Variants in STXBP3 observed in about 807,000 individuals in gnomAD.
The protein encoded by STXBP3 is syntaxin-binding protein 3.
In STXBP3, 41 loss-of-function variants were observed where a neutral mutation model predicts 85.7. That is an observed-to-expected ratio of 0.48 (90% CI 0.37 to 0.62). The LOEUF (loss-of-function observed/expected upper bound fraction) is 0.62. Ranked by LOEUF, STXBP3 falls within the 20% of genes least tolerant of loss-of-function variation. The pLI is 0.00. For synonymous variants in STXBP3, 229 were observed against 231.7 expected, an observed-to-expected ratio of 0.99 and a Z score of 0.10; for missense variants, 563 against 703.1, an observed-to-expected ratio of 0.80 and a Z score of 2.25.
chr1:108,796,229 T>C lies in STXBP3; in HGVS notation c.1111-5T>C, dbSNP rs1441854281. ...GATCACTGACAATATTTTATTTTCA[T>C]TAAGGACCTGGCACTTGGAACTGAT... On this transcript the variant is annotated splice_region_variant and splice_polypyrimidine_tract_variant and intron_variant, in intron 13 of 18. Transcript: ENST00000370008. The C allele has an allele frequency of 3.1e-6, 5 of 1,599,478 alleles. No homozygotes were observed. Among genetic ancestry groups the C allele is most frequent in the Non-Finnish European group, 4.3e-6 (5 of 1,176,254 alleles).
chr1:108,807,501 T>C lies in STXBP3; in HGVS notation c.1636T>C (p.Cys546Arg). ...IGGITYSEVR[C>R]AYEVSQAHKS... ...AGGGATCACATACTCTGAAGTGCGTTGTGCTTATGAAGTTTCTCAGGCACA... is the reference window on the plus strand; with the variant it reads ...AGGGATCACATACTCTGAAGTGCGTCGTGCTTATGAAGTTTCTCAGGCACA... The change falls in exon 18 of 19, where the codon TGT becomes CGT. Residue 546 changes from cysteine to arginine, a missense_variant. By Grantham distance (180) the Cys-to-Arg change is radical (BLOSUM62 -3). Transcript: ENST00000370008. The C allele has an allele frequency of 6.2e-7, 1 of 1,613,576 alleles. No individual in the cohort carries two copies. Among genetic ancestry groups the C allele is most frequent in the Non-Finnish European group, 8.5e-7 (1 of 1,179,834 alleles).
chr1:108,807,492 G>A lies in STXBP3; in HGVS notation c.1627G>A (p.Glu543Lys). Residue 543 changes from glutamate to lysine, a missense_variant, in exon 18 of 19, where the codon GAA becomes AAA. Coordinates refer to ENST00000370008, the MANE Select transcript of STXBP3 (RefSeq NM_007269.4). ...TGTAATTGGAGGGATCACATACTCT[G>A]AAGTGCGTTGTGCTTATGAAGTTTC... ...VFVIGGITYS[E>K]VRCAYEVSQA... is the part of the protein sequence containing the mutation. The A allele has an allele frequency of 6.2e-7, 1 of 1,613,172 alleles. No homozygotes were observed. The highest frequency in any genetic ancestry group is 2.2e-5 in the East Asian group (1 of 44,856).
chr1:108,749,652 A>G, intron 1 of STXBP3, among the ~76,000 whole-genome samples: 1 of 152,184 alleles, frequency 6.6e-6, no homozygotes, highest in East Asian at 1.9e-4. Context: ...CTCTAAACAT[A>G]CCTACCTGTG....
chr1:108,768,029 A>T (rs1304855210), intron 6 of STXBP3, among the ~76,000 whole-genome samples: 1 of 152,230 alleles, frequency 6.6e-6, no homozygotes, highest in Non-Finnish European at 1.5e-5. Context: ...CTGGGCATAT[A>T]TGGCTGTTCT....
intron 6 of STXBP3, among the ~76,000 whole-genome samples, chr1:108,762,203 C>T (rs923269005): frequency 6.6e-5 from 10 of 152,096 alleles, no homozygotes; most frequent in African/African-American, 2.4e-4. Flanking sequence ...ATATGTCCTA[C>T]CCTCATTTGA....
chr1:108,803,856 T>C (rs1282118311), intron 17 of STXBP3, among the ~76,000 whole-genome samples: 2 of 152,256 alleles, frequency 1.3e-5, no homozygotes, highest in African/African-American at 4.8e-5. Context: ...TATGAATTTC[T>C]AAGAGCTGAG....
chr1:108,807,792 G>T (rs900298987), intron 18 of STXBP3, among the ~76,000 whole-genome samples: 3 of 151,980 alleles, frequency 2.0e-5, no homozygotes, highest in African/African-American at 7.2e-5. Flanking sequence ...GGCCAGGCTG[G>T]TCTCAAACTC....
rs560215301 is a variant in STXBP3 at position 108,772,423 on chromosome 1, A to G, written c.439-242A>G. Among the ~76,000 whole-genome samples the G allele has an allele frequency of 3.0e-5, 4 of 134,958 alleles. No homozygotes were observed. In the East Asian group the frequency reaches 8.0e-4, roughly 27 times the overall value. The allele number at this position is 134,958 out of a possible 152,430, so 88.5% of individuals were successfully genotyped here. On this transcript the variant is annotated intron_variant, in intron 6 of 18. Transcript: ENST00000370008. Reference sequence around the variant, plus strand: ...ACATATGATATCTATCTGTATATATAAATACATATGATATCTATCTGTATA... The same window carrying G: ...ACATATGATATCTATCTGTATATATGAATACATATGATATCTATCTGTATA...
At chr1:108,797,946 G>A (rs1663143813) in intron 15 of STXBP3, among the ~76,000 whole-genome samples, 199 bp from the exon 16 acceptor site, 1 of 152,080 alleles carries the variant, frequency 6.6e-6, no homozygotes, top group South Asian at 2.1e-4. Context: ...ATAAATTTTA[G>A]CATTAAAGCA....
Position 108,760,068 on chromosome 1 carries a change from A to G in STXBP3, c.421A>G (p.Ile141Val), listed in dbSNP as rs368984850. ...RRCKEINISF[I>V]PHESQVYTLD... ...ATGTAAAGAAATAAATATTTCCTTCATTCCACATGAATCTCAGGTACTTTC... is the reference window on the plus strand; with the variant it reads ...ATGTAAAGAAATAAATATTTCCTTCGTTCCACATGAATCTCAGGTACTTTC... The change falls in exon 6 of 19, where the codon ATT (isoleucine) becomes GTT (valine). Residue 141 changes from isoleucine (I) to valine (V), a missense_variant. By Grantham distance (29) the Ile-to-Val change is conservative. Transcript: ENST00000370008. 3 of 1,558,226 alleles carry G rather than the reference A, an allele frequency of 1.9e-6. No individual in the cohort carries two copies. The highest frequency in any genetic ancestry group is 1.2e-5 in the South Asian group (1 of 81,124).
At chr1:108,803,233 T>C (rs976787937) in intron 17 of STXBP3, among the ~76,000 whole-genome samples, 1 of 152,236 alleles carries the variant, frequency 6.6e-6, no homozygotes, top group Non-Finnish European at 1.5e-5. Flanking sequence ...ATCTCTGCCC[T>C]CCTCTTGAAC....
chr1:108,764,918 A>G (rs1013810892), intron 6 of STXBP3, among the ~76,000 whole-genome samples: 3 of 152,214 alleles, frequency 2.0e-5, no homozygotes, highest in South Asian at 2.1e-4. Flanking sequence ...TTTTGTTGCA[A>G]TTGCTTTTGG....
intron 16 of STXBP3, 126 bp downstream of exon 16, chr1:108,798,363 C>A: frequency 1.4e-4 from 52 of 379,794 alleles, no homozygotes; most frequent in East Asian, 2.2e-4. Flanking sequence ...TTGGAGGCTT[C>A]ACAAAAAAGC....
chr1:108,793,643 C>G lies in STXBP3; in HGVS notation c.1025C>G (p.Thr342Ser), dbSNP rs1663026083. 1.9e-6 allele frequency: 3 copies of G among 1,610,472 alleles called. No homozygotes were observed. Among genetic ancestry groups the G allele is most frequent in the Admixed American group, 3.3e-5 (2 of 59,928 alleles). Reference protein sequence around the residue: ...KKMPHFRKQITKQVVHLNLAE... With the variant: ...KKMPHFRKQISKQVVHLNLAE... The stretch of plus-strand genomic sequence containing the variant: ...ATGCCCCATTTCCGAAAACAGATTA[C>G]TAAGGTAAGCAGTATTGTATATGAG... Residue 342 changes from threonine (T) to serine (S), a missense_variant, in exon 12 of 19, where the codon ACT becomes AGT. Transcript: ENST00000370008.
chr1:108,787,034 A>T (rs1307391916), intron 11 of STXBP3, among the ~76,000 whole-genome samples: 1 of 152,114 alleles, frequency 6.6e-6, no homozygotes, highest in Non-Finnish European at 1.5e-5. Flanking sequence ...GGTATTTTTT[A>T]AATTCCATTT....
At chr1:108,761,184 G>A (rs1333656710) in intron 6 of STXBP3, among the ~76,000 whole-genome samples, 1 of 152,144 alleles carries the variant, frequency 6.6e-6, no homozygotes, top group Non-Finnish European at 1.5e-5. Flanking sequence ...GGGATTACGG[G>A]TGTGAGCCAC....
chr1:108,774,076 G>T (rs1315609470), intron 7 of STXBP3, among the ~76,000 whole-genome samples: 1 of 151,992 alleles, frequency 6.6e-6, no homozygotes, highest in Non-Finnish European at 1.5e-5. Flanking sequence ...GTTAAATTTT[G>T]CTTGATTTTG....
intron 11 of STXBP3, among the ~76,000 whole-genome samples, chr1:108,788,580 A>T (rs1036931570): frequency 6.6e-6 from 1 of 152,128 alleles, no homozygotes; most frequent in Admixed American, 6.5e-5. Flanking sequence ...TATTTAATAG[A>T]TATAGAACTA....
chr1:108,754,725 A>G (rs1291687781), intron 3 of STXBP3, among the ~76,000 whole-genome samples: 1 of 151,900 alleles, frequency 6.6e-6, no homozygotes, highest in Non-Finnish European at 1.5e-5. Context: ...AGGACTTAAG[A>G]GTCTTTATAT....
Sources: gnomAD v4.1 joint callset for allele counts (sites outside exome capture counted in the v4.1 genomes callset) on GRCh38, gnomAD v4.1.1 for gene constraint, MANE v1.5 for transcripts, NCBI Gene and HGNC (gene_info 2026-07-23, HGNC 2026-07-21) for gene names.